The following PTPRN2 variants were observed in gnomAD, a reference collection of about 807,000 sequenced individuals.
PTPRN2 encodes protein tyrosine phosphatase receptor type N2, also known as receptor-type tyrosine-protein phosphatase N2.
PTPRN2 carries 74 observed loss-of-function variants against 118.8 expected under a neutral mutation model. That is an observed-to-expected ratio of 0.62 (90% CI 0.52 to 0.76). The LOEUF (loss-of-function observed/expected upper bound fraction) is 0.76, where lower values mean the gene tolerates loss of function less well. Among genes scored for constraint, PTPRN2 ranks in the 30% least tolerant of loss-of-function variants. PTPRN2 has a pLI of 0.00. For synonymous variants in PTPRN2, 641 were observed against 608.0 expected (o/e 1.05, Z -0.80); for missense variants, 1,481 against 1,394.4 (o/e 1.06, Z -0.99).
chr7:158,377,411 A>G (rs1226076359), intron 2 of PTPRN2, among the ~76,000 whole-genome samples: 1 of 152,232 alleles, frequency 6.6e-6, no homozygotes, highest in Non-Finnish European at 1.5e-5. Context: ...GTCTTCACCA[A>G]AGAAGAGCAA....
At chr7:158,189,470 G>A (rs1268628597) in intron 5 of PTPRN2, among the ~76,000 whole-genome samples, 1 of 152,172 alleles carries the variant, frequency 6.6e-6, no homozygotes, top group African/African-American at 2.4e-5. Flanking sequence ...CACATTGGAC[G>A]AGCCTCCAAG....
intron 3 of PTPRN2, among the ~76,000 whole-genome samples, chr7:158,297,432 G>A (rs1305112198): frequency 2.0e-5 from 3 of 152,186 alleles, no homozygotes; most frequent in African/African-American, 7.2e-5. Flanking sequence ...TTGTGATACG[G>A]TATCTCCTTG....
At chr7:157,679,740 T>C (rs1796832193) in intron 13 of PTPRN2, among the ~76,000 whole-genome samples, 3 of 152,126 alleles carry the variant, frequency 2.0e-5, no homozygotes, top group South Asian at 4.1e-4. Flanking sequence ...CAAGCACTAA[T>C]GATGTGCGTG....
intron 5 of PTPRN2, among the ~76,000 whole-genome samples, chr7:158,174,498 A>G (rs1009617886): frequency 3.9e-5 from 6 of 152,046 alleles, no homozygotes; most frequent in African/African-American, 1.5e-4. Context: ...CATCAGCAGC[A>G]GCAGCACCAT....
In PTPRN2 at chr7:158,411,508, G is replaced by A. The variant is rs188974419; in HGVS notation, c.163+78227C>T. On this transcript the variant is annotated intron_variant, in intron 2 of 22. Transcript: ENST00000389418. The stretch of plus-strand genomic sequence containing the variant: ...CACGGCTCACCTCCTGGGAGCCAAG[G>A]CACCTGCAAGTCCTGCTGTCGTCCC... 1.7e-3 allele frequency among the ~76,000 whole-genome samples: 257 copies of A among 152,284 alleles called. 1 individual carries two copies. The highest frequency in any genetic ancestry group is 6.0e-3 in the African/African-American group (248 of 41,570).
chr7:158,227,300 A>T (rs1484997496), intron 3 of PTPRN2, among the ~76,000 whole-genome samples: 1 of 152,220 alleles, frequency 6.6e-6, no homozygotes, highest in African/African-American at 2.4e-5. Context: ...AGGAGCCAGG[A>T]GAAGAGAGAG....
At chr7:158,489,897 G>C (rs995118931) in intron 1 of PTPRN2, 112 bp from the exon 2 acceptor site, 5 of 1,023,456 alleles carry the variant, frequency 4.9e-6, no homozygotes, top group East Asian at 2.7e-5. Flanking sequence ...GGTCAAGCAG[G>C]CTCCTCCGAC....
rs1805689154 is a variant in PTPRN2, at chr7:158,336,948, C to T, written c.164-20016G>A. Among the ~76,000 whole-genome samples the T allele has an allele frequency of 4.9e-5, 5 of 101,688 alleles. No individual in the cohort carries two copies. In the South Asian group the frequency reaches 1.9e-3, roughly 39 times the overall value. The allele number at this position is 101,688 out of a possible 152,430, so 66.7% of individuals were successfully genotyped here. On this transcript the variant is annotated intron_variant, in intron 2 of 22. Coordinates refer to ENST00000389418, the MANE Select transcript of PTPRN2 (RefSeq NM_002847.5). ...ACGTCACTCACACCCACACTCGTCA[C>T]TCACACTCACACTCTCACCATAAGA...
At chr7:158,121,541 C>A (rs933530658) in intron 9 of PTPRN2, among the ~76,000 whole-genome samples, 1 of 152,218 alleles carries the variant, frequency 6.6e-6, no homozygotes, top group Non-Finnish European at 1.5e-5. Context: ...CTACCAAATT[C>A]CATGAGTCTC....
chr7:158,020,264 C>T (rs1342119444), intron 11 of PTPRN2, among the ~76,000 whole-genome samples: 6 of 152,258 alleles, frequency 3.9e-5, no homozygotes, highest in African/African-American at 1.2e-4. Context: ...GCCAACACTA[C>T]ACATACATGA....
intron 2 of PTPRN2, among the ~76,000 whole-genome samples, chr7:158,345,392 C>T (rs1586407846): frequency 1.3e-5 from 2 of 152,122 alleles, no homozygotes; most frequent in East Asian, 1.9e-4. Context: ...TTATAGGAGG[C>T]CACAGAGGGT....
intron 12 of PTPRN2, among the ~76,000 whole-genome samples, chr7:157,859,884 C>T (rs182041661): frequency 1.6e-4 from 21 of 131,130 alleles, no homozygotes; most frequent in East Asian, 1.2e-3. Context: ...GAGCCCCAGC[C>T]ACTGTACACA....
intron 12 of PTPRN2, chr7:157,865,597 G>A (rs551160537): frequency 1.3e-5 from 2 of 152,486 alleles, no homozygotes; most frequent in Non-Finnish European, 2.9e-5. Flanking sequence ...GGAGGGCAGT[G>A]GAGACCCTCA....
chr7:157,782,161 G>A (rs529578085), intron 12 of PTPRN2, among the ~76,000 whole-genome samples: 26 of 152,260 alleles, frequency 1.7e-4, no homozygotes, highest in African/African-American at 4.6e-4. Flanking sequence ...GCACAGGACC[G>A]TAGACCCCAT....
chr7:158,496,520 C>T (rs561108370), intron 1 of PTPRN2, among the ~76,000 whole-genome samples: 1 of 25,364 alleles, frequency 3.9e-5, no homozygotes, highest in South Asian at 1.5e-3. Context: ...TCCCTGCAGC[C>T]TCCCCTCCCC....
rs1413928143 is a variant in PTPRN2, at chr7:158,245,140, TCATGCCAGAATCCGTGGC to T, written c.278-39885_278-39868del. 2.0e-5 allele frequency among the ~76,000 whole-genome samples: 3 copies of T among 152,014 alleles called. No homozygotes were observed. The East Asian group carries it at 5.8e-4, about 29-fold the overall frequency. On this transcript the variant is annotated intron_variant, in intron 3 of 22. Transcript: ENST00000389418. ...TCCATGGTCATGCCGGAATCCGTGG[TCATGCCAGAATCCGTGGC>T]CATGCCGGAATCCATGGCCATGCCG...
chr7:157,970,645 C>CCT (rs969224199), intron 11 of PTPRN2, among the ~76,000 whole-genome samples: 3 of 150,770 alleles, frequency 2.0e-5, no homozygotes, highest in Non-Finnish European at 3.0e-5. Context: ...GACCCCCCCC[C>CCT]CCACAGGTTG....
chr7:158,572,493 T>C lies in PTPRN2; in HGVS notation c.112+15065A>G, dbSNP rs547852790. 4.6e-3 allele frequency among the ~76,000 whole-genome samples: 698 copies of C among 152,240 alleles called. 3 individuals carry two copies. Among genetic ancestry groups the C allele is most frequent in the Non-Finnish European group, 8.0e-3 (542 of 68,018 alleles). On this transcript the variant is annotated intron_variant, in intron 1 of 22. Coordinates refer to ENST00000389418, the MANE Select transcript of PTPRN2 (RefSeq NM_002847.5). ...CGAAGACAGCTGTCTGCTGAACCCT[T>C]TCTGGGTGCAGCCTGCTGGGTCCTA...
intron 2 of PTPRN2, among the ~76,000 whole-genome samples, chr7:158,352,487 G>A (rs939184185): frequency 1.9e-4 from 29 of 152,360 alleles, no homozygotes; most frequent in African/African-American, 7.0e-4. Context: ...ACCCTCCTGT[G>A]ATGATGCCTG....
Sources: gnomAD v4.1 joint callset for allele counts (sites outside exome capture counted in the v4.1 genomes callset) on GRCh38, gnomAD v4.1.1 for gene constraint, MANE v1.5 for transcripts, NCBI Gene and HGNC (gene_info 2026-07-23, HGNC 2026-07-21) for gene names.